The following CHRM3 variants were observed in gnomAD, a reference collection of about 807,000 sequenced individuals.
The protein encoded by CHRM3 is muscarinic acetylcholine receptor M3.
Under a neutral mutation model 41.8 loss-of-function variants are expected in CHRM3, and 11 were observed. The ratio of observed to expected loss-of-function variants is 0.26; its 90% CI spans 0.17 to 0.44. The LOEUF (loss-of-function observed/expected upper bound fraction) is 0.44. Ranked by LOEUF, CHRM3 falls within the 20% of genes least tolerant of loss-of-function variation. The probability of loss-of-function intolerance (pLI) is 1.00; values close to 1 mark genes in which losing one functional copy is unlikely to be tolerated. For missense variants in CHRM3, 571 were observed against 745.4 expected, an observed-to-expected ratio of 0.77 and a Z score of 2.72; for synonymous variants, 297 against 301.4, an observed-to-expected ratio of 0.99 and a Z score of 0.15.
intron 5 of CHRM3, chr1:239,704,077 G>T (rs1450144493): frequency 6.6e-6 from 1 of 152,156 alleles, no homozygotes; most frequent in Non-Finnish European, 1.5e-5. Flanking sequence ...CCAGCTTGGT[G>T]CATTTTAAAG....
At chr1:239,568,323 A>G (rs72756767) in intron 3 of CHRM3, among the ~76,000 whole-genome samples, 5,142 of 152,150 alleles carry the variant, frequency 0.034, 106 homozygotes, top group Middle Eastern at 0.058. Context: ...GGTTTCCCCC[A>G]TACTATTCTT....
intron 4 of CHRM3, among the ~76,000 whole-genome samples, chr1:239,668,623 G>A (rs1193360520): frequency 2.0e-5 from 3 of 152,162 alleles, no homozygotes; most frequent in African/African-American, 4.8e-5. Flanking sequence ...TACAGTAATA[G>A]AATTTTGTAT....
intron 1 of CHRM3, among the ~76,000 whole-genome samples, chr1:239,489,477 GA>G (rs1490853627): frequency 7.2e-5 from 11 of 152,172 alleles, no homozygotes; most frequent in Admixed American, 4.6e-4. Context: ...ATCACTTACA[GA>G]GCTGTAATGA....
Position 239,782,086 on chromosome 1 carries a change from T to C in CHRM3, c.-146-45166T>C, listed in dbSNP as rs537993336. Among the ~76,000 whole-genome samples, 12 of 152,258 alleles carry C rather than the reference T, an allele frequency of 7.9e-5. No homozygotes were observed. The South Asian group carries it at 2.3e-3, about 29-fold the overall frequency. Reference sequence around the variant, plus strand: ...GGTCTATAGTTTTCTTTTCCTGTAATGTATTTGTCTAGTTTTGGTATTAGG... The same window carrying C: ...GGTCTATAGTTTTCTTTTCCTGTAACGTATTTGTCTAGTTTTGGTATTAGG... On this transcript the variant is annotated intron_variant, in intron 5 of 6. Transcript: ENST00000676153.
rs1218662 is a variant in CHRM3 at position 239,531,228 on chromosome 1, G to A, written c.-421-14413G>A. Among the ~76,000 whole-genome samples, 669 of 151,838 alleles carry A rather than the reference G, an allele frequency of 4.4e-3. 5 individuals carry two copies. Among genetic ancestry groups the A allele is most frequent in the Middle Eastern group, 0.014 (4 of 294 alleles). On this transcript the variant is annotated intron_variant, in intron 2 of 6. Coordinates refer to ENST00000676153, the MANE Select transcript of CHRM3 (RefSeq NM_001375978.1). ...TTGAAAAAGAAGAACCAAGTTAGAG[G>A]ACATGCACTTCCTGATTTTAGAAAT... is the stretch of plus-strand genomic sequence containing the variant.
chr1:239,401,190 G>A (rs953506548), intron 1 of CHRM3, among the ~76,000 whole-genome samples: 3 of 152,132 alleles, frequency 2.0e-5, no homozygotes, highest in African/African-American at 7.2e-5. Context: ...CATGGAACCG[G>A]GCTGAATAAA....
chr1:239,573,053 C>A (rs932203560), intron 3 of CHRM3, among the ~76,000 whole-genome samples: 1 of 152,118 alleles, frequency 6.6e-6, no homozygotes, highest in African/African-American at 2.4e-5. Context: ...TTGGCCCTAC[C>A]CTAGTACTTA....
At chr1:239,764,537 G>A (rs921498223) in intron 5 of CHRM3, among the ~76,000 whole-genome samples, 11 of 152,184 alleles carry the variant, frequency 7.2e-5, no homozygotes, top group Admixed American at 1.3e-4. Flanking sequence ...GGGTGAAGTG[G>A]AATAGGGGTT....
At chr1:239,640,113 G>A (rs1490355089) in intron 4 of CHRM3, among the ~76,000 whole-genome samples, 1 of 151,556 alleles carries the variant, frequency 6.6e-6, no homozygotes, top group Non-Finnish European at 1.5e-5. Context: ...CAGGGATGAA[G>A]CCCACTTGAT....
intron 5 of CHRM3, among the ~76,000 whole-genome samples, chr1:239,710,791 G>A (rs1661698577): frequency 6.6e-6 from 1 of 151,446 alleles, no homozygotes; most frequent in South Asian, 2.1e-4. Flanking sequence ...AATAAATATG[G>A]CTTTAGAGTG....
intron 4 of CHRM3, among the ~76,000 whole-genome samples, chr1:239,665,062 C>A (rs1268123715): frequency 6.6e-6 from 1 of 151,614 alleles, no homozygotes; most frequent in Non-Finnish European, 1.5e-5. Context: ...AAAAAATGGT[C>A]CCTTCCACGA....
intron 5 of CHRM3, among the ~76,000 whole-genome samples, chr1:239,684,035 G>A (rs1369382017): frequency 6.6e-6 from 1 of 152,128 alleles, no homozygotes; most frequent in Admixed American, 6.5e-5. Flanking sequence ...CTGTGCCTCA[G>A]GGAATAAGTA....
chr1:239,389,858 T>C (rs1281517261), intron 1 of CHRM3, among the ~76,000 whole-genome samples: 1 of 152,168 alleles, frequency 6.6e-6, no homozygotes, highest in Non-Finnish European at 1.5e-5. Context: ...TATTAAGAAA[T>C]TGGGTCTTGT....
intron 3 of CHRM3, among the ~76,000 whole-genome samples, chr1:239,552,904 T>C (rs1386677169): frequency 6.6e-6 from 1 of 152,084 alleles, no homozygotes; most frequent in Non-Finnish European, 1.5e-5. Flanking sequence ...CATTTCTGGA[T>C]TACTATTTTC....
At chr1:239,838,791 G>T (rs1241547044) in intron 6 of CHRM3, among the ~76,000 whole-genome samples, 5 of 152,146 alleles carry the variant, frequency 3.3e-5, no homozygotes, top group Admixed American at 3.3e-4. Context: ...TTGATGTGTA[G>T]AACATTAGAA....
At chr1:239,825,584 T>A (rs751060068) in intron 5 of CHRM3, among the ~76,000 whole-genome samples, 1 of 152,222 alleles carries the variant, frequency 6.6e-6, no homozygotes, top group African/African-American at 2.4e-5. Context: ...CCTACATTCA[T>A]AGCAGCATTA....
chr1:239,817,921 C>A (rs937019143), intron 5 of CHRM3, among the ~76,000 whole-genome samples: 1 of 152,176 alleles, frequency 6.6e-6, no homozygotes, highest in Non-Finnish European at 1.5e-5. Context: ...GTTTCTACAT[C>A]TATGAAATGG....
chr1:239,855,549 T>C (rs1675037242), intron 6 of CHRM3, among the ~76,000 whole-genome samples: 2 of 152,052 alleles, frequency 1.3e-5, no homozygotes, highest in South Asian at 4.1e-4. Flanking sequence ...GGGATTTTAC[T>C]AACAGACTTT....
chr1:239,887,598 A>C (rs1250682025), intron 6 of CHRM3, among the ~76,000 whole-genome samples: 5 of 152,294 alleles, frequency 3.3e-5, no homozygotes, highest in African/African-American at 1.2e-4. Context: ...GGCAAGTTGA[A>C]TTTCCTTTTT....
Sources: allele counts gnomAD v4.1 joint callset (sites outside exome capture counted in the v4.1 genomes callset), GRCh38; gene constraint gnomAD v4.1.1; transcripts MANE v1.5; gene names NCBI Gene and HGNC (gene_info 2026-07-23, HGNC 2026-07-21).